CBLB: variants seen among roughly 807,000 people sequenced by gnomAD.
The protein encoded by CBLB is Cbl proto-oncogene B.
CBLB carries 31 observed loss-of-function variants against 104.9 expected under a neutral mutation model. The ratio of observed to expected loss-of-function variants is 0.30; its 90% CI spans 0.22 to 0.40. The LOEUF (loss-of-function observed/expected upper bound fraction) is 0.40. CBLB is among the 10% of genes least tolerant of loss of function. CBLB has a pLI of 1.00. For synonymous variants in CBLB, 440 were observed against 422.6 expected (o/e 1.04, Z -0.51); for missense variants, 1,062 against 1,214.6 (o/e 0.87, Z 1.87).
chr3:105,758,240 T>C (rs991151997), intron 4 of CBLB, among the ~76,000 whole-genome samples: 13 of 152,192 alleles, frequency 8.5e-5, no homozygotes, highest in Admixed American at 2.0e-4. Flanking sequence ...TCTGGTTACA[T>C]AGTCACCATA....
intron 13 of CBLB, among the ~76,000 whole-genome samples, 174 bp from the exon 14 acceptor site, chr3:105,685,640 A>G (rs1381053193): frequency 6.6e-6 from 1 of 152,228 alleles, no homozygotes; most frequent in Non-Finnish European, 1.5e-5. Flanking sequence ...ACAATTTTCA[A>G]TCTTTTGTTA....
intron 18 of CBLB, 144 bp from the exon 19 acceptor site, chr3:105,659,373 C>A (rs1365153094): frequency 1.1e-6 from 1 of 874,010 alleles, no homozygotes; most frequent in Non-Finnish European, 1.8e-6. Flanking sequence ...TTTTTCCATA[C>A]TATTGTGAGA....
chr3:105,712,863 C>T (rs931025165), intron 10 of CBLB, among the ~76,000 whole-genome samples: 1 of 152,134 alleles, frequency 6.6e-6, no homozygotes, highest in East Asian at 1.9e-4. Flanking sequence ...CTAATTCTTC[C>T]TAATGGAATG....
chr3:105,704,575 C>T (rs2069779311), intron 10 of CBLB, among the ~76,000 whole-genome samples: 1 of 152,080 alleles, frequency 6.6e-6, no homozygotes, highest in Admixed American at 6.5e-5. Flanking sequence ...CATTCTAATA[C>T]TTAGCTATTG....
At chr3:105,712,867 T>C (rs1369855307) in intron 10 of CBLB, among the ~76,000 whole-genome samples, 2 of 152,170 alleles carry the variant, frequency 1.3e-5, no homozygotes, top group Admixed American at 1.3e-4. Context: ...TTCTTCCTAA[T>C]GGAATGCTAT....
At chr3:105,673,249 TGTAGAGC>T (rs1165896154) in intron 17 of CBLB, 1 of 152,040 alleles carries the variant, frequency 6.6e-6, no homozygotes, top group Non-Finnish European at 1.5e-5. Context: ...TTTGTATTTT[TGTAGAGC>T]TGGAGTTTCA....
In CBLB at chr3:105,710,688, A is replaced by G. The variant is rs1190623675; in HGVS notation, c.1408-6515T>C. On this transcript the variant is annotated intron_variant, in intron 10 of 18. Coordinates refer to ENST00000394030, the MANE Select transcript of CBLB (RefSeq NM_170662.5). The stretch of plus-strand genomic sequence containing the variant: ...CTAACAATTTCTCTTAAGTTCTTCA[A>G]TCCTAGTAACAGATGAGAACATCTT... 4.6e-5 allele frequency among the ~76,000 whole-genome samples: 7 copies of G among 152,056 alleles called. No homozygotes were observed. In the South Asian group the frequency reaches 8.3e-4, roughly 18 times the overall value.
chr3:105,784,782 GT>G (rs2080762657), intron 3 of CBLB, among the ~76,000 whole-genome samples: 1 of 152,000 alleles, frequency 6.6e-6, no homozygotes, highest in Non-Finnish European at 1.5e-5. Context: ...CTTTTGTCTT[GT>G]TTTTACTCAA....
chr3:105,772,079 C>T (rs1584028), intron 4 of CBLB, among the ~76,000 whole-genome samples: 79,051 of 151,840 alleles, frequency 0.52, 21,192 homozygotes, highest in Middle Eastern at 0.66. Flanking sequence ...CAATACTAAG[C>T]GAAAAGAACA....
rs2065707813 is a variant in CBLB, at chr3:105,676,848, A to T, written c.2569+1583T>A. 2.0e-5 allele frequency among the ~76,000 whole-genome samples: 3 copies of T among 152,226 alleles called. No homozygotes were observed. The Middle Eastern group carries it at 0.01, about 518-fold the overall frequency. ...GCTGTTCTCATGATAGTGAGTGCTC[A>T]TGAGATCTGGTTTTTGATAAATGTC... On this transcript the variant is annotated intron_variant, in intron 17 of 18. Transcript: ENST00000394030.
At chr3:105,859,021 T>G (rs1332362093) in intron 2 of CBLB, among the ~76,000 whole-genome samples, 3 of 152,280 alleles carry the variant, frequency 2.0e-5, no homozygotes, top group Non-Finnish European at 4.4e-5. Flanking sequence ...AAAAACAGGA[T>G]TTACTAATGC....
At chr3:105,864,183 G>A (rs2092290077) in intron 2 of CBLB, among the ~76,000 whole-genome samples, 1 of 152,088 alleles carries the variant, frequency 6.6e-6, no homozygotes, top group Non-Finnish European at 1.5e-5. Flanking sequence ...ACTGTACTTG[G>A]GGTTTGTAAT....
intron 6 of CBLB, among the ~76,000 whole-genome samples, chr3:105,744,667 C>G (rs1260768999): frequency 6.6e-6 from 1 of 152,044 alleles, no homozygotes; most frequent in Admixed American, 6.5e-5. Context: ...CATGGTGGCT[C>G]ACGCCTGTAA....
At chr3:105,734,171 G>A in intron 8 of CBLB, 31 bp from the exon 9 acceptor site, 1 of 1,609,806 alleles carries the variant, frequency 6.2e-7, no homozygotes. Context: ...AGAAAGTAAT[G>A]TTAATGTATT....
At chr3:105,740,793 C>T (rs1422165603) in intron 6 of CBLB, among the ~76,000 whole-genome samples, 162 bp from the exon 7 acceptor site, 1 of 152,140 alleles carries the variant, frequency 6.6e-6, no homozygotes, top group Non-Finnish European at 1.5e-5. Context: ...CAATGTACTT[C>T]TCCATTTATC....
chr3:105,859,703 AT>A (rs1204993559), intron 2 of CBLB, among the ~76,000 whole-genome samples: 1 of 151,040 alleles, frequency 6.6e-6, no homozygotes, highest in Non-Finnish European at 1.5e-5. Context: ...TCCTCCTCCT[AT>A]AAATGTTAGA....
chr3:105,700,333 T>G (rs746762135), intron 12 of CBLB, among the ~76,000 whole-genome samples: 1 of 152,086 alleles, frequency 6.6e-6, no homozygotes, highest in Non-Finnish European at 1.5e-5. Context: ...TAACAACTAT[T>G]ATATTTCAAG....
At chr3:105,856,817 T>C (rs190067079) in intron 2 of CBLB, among the ~76,000 whole-genome samples, 1 of 152,298 alleles carries the variant, frequency 6.6e-6, no homozygotes, top group Non-Finnish European at 1.5e-5. Context: ...AGAGCTTTTT[T>C]TACCCCCTTT....
chr3:105,791,322 C>A (rs981598751), intron 3 of CBLB, among the ~76,000 whole-genome samples: 11 of 152,216 alleles, frequency 7.2e-5, no homozygotes, highest in African/African-American at 2.7e-4. Flanking sequence ...ATTCAGAAAT[C>A]ACACTGTTGA....
Sources: allele counts gnomAD v4.1 joint callset (sites outside exome capture counted in the v4.1 genomes callset), GRCh38; gene constraint gnomAD v4.1.1; transcripts MANE v1.5; gene names NCBI Gene and HGNC (gene_info 2026-07-23, HGNC 2026-07-21).